The following GAP43 variants were observed in gnomAD, a reference collection of about 807,000 sequenced individuals.
The protein encoded by GAP43 is growth associated protein 43, also known as neuromodulin.
In GAP43, 6 loss-of-function variants were observed where a neutral mutation model predicts 18.6. The observed-to-expected ratio is 0.32, with a 90% confidence interval of 0.18 to 0.64. GAP43 has a LOEUF of 0.64. Among genes scored for constraint, GAP43 ranks in the 30% least tolerant of loss-of-function variants. The pLI, the probability that GAP43 is intolerant of heterozygous loss-of-function variation, is 0.78. For missense variants in GAP43, 292 were observed against 295.5 expected, an observed-to-expected ratio of 0.99 and a Z score of 0.09; for synonymous variants, 115 against 111.4, an observed-to-expected ratio of 1.03 and a Z score of -0.20.
At chr3:115,661,880 T>G (rs1031486082) in intron 1 of GAP43, among the ~76,000 whole-genome samples, 12 of 127,606 alleles carry the variant, frequency 9.4e-5, no homozygotes, top group African/African-American at 3.5e-4. Context: ...CCACAGGGCA[T>G]GCTCACAAGA....
intron 2 of GAP43, among the ~76,000 whole-genome samples, chr3:115,699,824 G>A (rs1055396609): frequency 2.0e-5 from 3 of 152,174 alleles, no homozygotes; most frequent in Admixed American, 2.0e-4. Context: ...GCATCTTTAA[G>A]AGCCAGTAAA....
At chr3:115,698,788 C>A (rs1182110862) in intron 2 of GAP43, among the ~76,000 whole-genome samples, 1 of 152,126 alleles carries the variant, frequency 6.6e-6, no homozygotes, top group East Asian at 1.9e-4. Context: ...TAATAGGAAT[C>A]TGTTTATAAG....
intron 1 of GAP43, among the ~76,000 whole-genome samples, chr3:115,671,830 TA>T (rs1054632070): frequency 6.6e-6 from 1 of 152,230 alleles, no homozygotes; most frequent in African/African-American, 2.4e-5. Flanking sequence ...CATTTCATCT[TA>T]ACTCACAGTT....
intron 2 of GAP43, among the ~76,000 whole-genome samples, 184 bp from the exon 3 acceptor site, chr3:115,720,601 GAACAGCTTC>G (rs989835693): frequency 6.6e-6 from 1 of 152,138 alleles, no homozygotes; most frequent in African/African-American, 2.4e-5. Flanking sequence ...AGGTGCCACT[GAACAGCTTC>G]CTTGAGGTAA....
chr3:115,710,690 T>C (rs1035171415), intron 2 of GAP43, among the ~76,000 whole-genome samples: 1 of 152,162 alleles, frequency 6.6e-6, no homozygotes, highest in Non-Finnish European at 1.5e-5. Context: ...TTAGAGTTCA[T>C]AGCAAAAAAA....
chr3:115,688,379 C>T (rs1172326825), intron 2 of GAP43, among the ~76,000 whole-genome samples: 2 of 151,994 alleles, frequency 1.3e-5, no homozygotes, highest in African/African-American at 4.8e-5. Flanking sequence ...GCTAATAATG[C>T]AGTAATATTT....
intron 1 of GAP43, among the ~76,000 whole-genome samples, chr3:115,667,819 G>A (rs369791010): frequency 6.6e-6 from 1 of 152,324 alleles, no homozygotes; most frequent in South Asian, 2.1e-4. Context: ...AGGCCTCACA[G>A]TCCCTCTCAT....
chr3:115,648,949 T>A (rs928768894), intron 1 of GAP43, among the ~76,000 whole-genome samples: 1 of 151,952 alleles, frequency 6.6e-6, no homozygotes, highest in African/African-American at 2.4e-5. Context: ...TCTGAGTGGG[T>A]AGTTTAGTTG....
At chr3:115,695,356 C>T (rs770113875) in intron 2 of GAP43, among the ~76,000 whole-genome samples, 4 of 152,112 alleles carry the variant, frequency 2.6e-5, no homozygotes, top group Non-Finnish European at 4.4e-5. Context: ...GCTCAAATAA[C>T]ATTTATTATT....
chr3:115,720,747 A>T, intron 2 of GAP43, 47 bp from the exon 3 acceptor site: 1 of 1,312,504 alleles, frequency 7.6e-7, no homozygotes, highest in Non-Finnish European at 1.1e-6. Flanking sequence ...AAGACAAAAT[A>T]CTAATTCTCT....
At chr3:115,669,983 T>A (rs190390036) in intron 1 of GAP43, among the ~76,000 whole-genome samples, 1,353 of 119,170 alleles carry the variant, frequency 0.011, 19 homozygotes, top group African/African-American at 0.048. Context: ...TTTTTTTTTT[T>A]AATTTTTTTT....
chr3:115,654,254 A>C (rs1708554927), intron 1 of GAP43, among the ~76,000 whole-genome samples: 1 of 152,196 alleles, frequency 6.6e-6, no homozygotes, highest in Non-Finnish European at 1.5e-5. Context: ...TGACTATTCT[A>C]CTCAATTTCA....
chr3:115,680,619 T>C (rs1030334066), intron 2 of GAP43, among the ~76,000 whole-genome samples: 13 of 152,208 alleles, frequency 8.5e-5, no homozygotes, highest in Non-Finnish European at 1.6e-4. Flanking sequence ...GGCACTTCCC[T>C]ATGCCAATGC....
At chr3:115,637,015 G>A (rs926195436) in intron 1 of GAP43, among the ~76,000 whole-genome samples, 18 of 151,684 alleles carry the variant, frequency 1.2e-4, no homozygotes, top group African/African-American at 3.1e-4. Context: ...CATTGTTACC[G>A]CCACTACTTG....
At chr3:115,632,980 C>T (rs1708278308) in intron 1 of GAP43, among the ~76,000 whole-genome samples, 2 of 151,378 alleles carry the variant, frequency 1.3e-5, no homozygotes, top group South Asian at 4.2e-4. Flanking sequence ...AACAAGTATC[C>T]AAAACCAACT....
In GAP43 at chr3:115,720,979, C is replaced by T; in HGVS notation, c.*97C>T. On this transcript the variant is annotated 3_prime_UTR_variant, in exon 3 of 3. Coordinates refer to ENST00000305124, the MANE Select transcript of GAP43 (RefSeq NM_002045.4). Reference sequence around the variant, plus strand: ...GCTCCACTCTGAAGTCCCTTCCTGTCCTGCTCACGTCTGTGAGTCTGTCCT... The same window carrying T: ...GCTCCACTCTGAAGTCCCTTCCTGTTCTGCTCACGTCTGTGAGTCTGTCCT... 1.4e-6 allele frequency: 1 copy of T among 697,956 alleles called. No individual in the cohort carries two copies. 43.2% of individuals were successfully genotyped at this position (697,956 alleles called of 1,614,324 possible). A position where few individuals can be genotyped will look rare whatever the true frequency, so the allele number is the denominator to read the frequency against.
Position 115,698,148 on chromosome 3 carries a change from T to TATATAATATATATTATATATAA in GAP43, c.628+21538_628+21539insATATAATATATATTATATATAA, listed in dbSNP as rs1559804310. 5.3e-3 allele frequency among the ~76,000 whole-genome samples: 33 copies of TATATAATATATATTATATATAA among 6,178 alleles called. 1 individual carries two copies. Among genetic ancestry groups the TATATAATATATATTATATATAA allele is most frequent in the East Asian group, 0.016 (1 of 62 alleles). 4.1% of individuals were successfully genotyped at this position (6,178 alleles called of 152,430 possible). ...TTATATATAATATATATAATATATATTATATATAATATATAAAATATATTA... is the reference window on the plus strand; with the variant it reads ...TTATATATAATATATATAATATATATATATAATATATATTATATATAATATATATAATATATAAAATATATTA... On this transcript the variant is annotated intron_variant, in intron 2 of 2. Transcript: ENST00000305124.
intron 2 of GAP43, among the ~76,000 whole-genome samples, chr3:115,707,129 G>T (rs920243972): frequency 6.6e-6 from 1 of 152,016 alleles, no homozygotes; most frequent in Non-Finnish European, 1.5e-5. Context: ...ACTTATAAGC[G>T]CTTACTTAAA....
At chr3:115,655,202 G>T (rs143207091) in intron 1 of GAP43, among the ~76,000 whole-genome samples, 1 of 152,160 alleles carries the variant, frequency 6.6e-6, no homozygotes, top group East Asian at 1.9e-4. Flanking sequence ...TCAAATTTTC[G>T]ATCTGTGAAC....
Sources: gnomAD v4.1 joint callset for allele counts (sites outside exome capture counted in the v4.1 genomes callset) on GRCh38, gnomAD v4.1.1 for gene constraint, MANE v1.5 for transcripts, NCBI Gene and HGNC (gene_info 2026-07-23, HGNC 2026-07-21) for gene names.